ATOSA: variants seen among roughly 807,000 people sequenced by gnomAD.
ATOSA encodes atos homolog protein A.
chr15:52,611,673 A>G, the ATOSA span: 4 of 1,614,060 alleles, frequency 2.5e-6, no homozygotes, highest in Non-Finnish European at 3.4e-6. Context: ...TGGGCCCATC[A>G]TCGCTGTAGC....
the ATOSA span, among the ~76,000 whole-genome samples, chr15:52,692,599 C>G: frequency 2.1e-3 from 315 of 152,314 alleles, 5 homozygotes; most frequent in East Asian, 0.013. Flanking sequence ...AGCCATCGTC[C>G]TGCTTTGGCC....
chr15:52,605,352 T>C, the ATOSA span: 1 of 740,540 alleles, frequency 1.4e-6, no homozygotes, highest in Non-Finnish European at 2.1e-6. Context: ...TCTGAGGTAT[T>C]GCTGGTGAAG....
chr15:52,700,186 T>A, the ATOSA span, among the ~76,000 whole-genome samples: 2 of 152,240 alleles, frequency 1.3e-5, no homozygotes, highest in African/African-American at 4.8e-5. Context: ...GGTGAGACTT[T>A]ACATACCAAA....
chr15:52,685,997 A>T, the ATOSA span, among the ~76,000 whole-genome samples: 1 of 152,146 alleles, frequency 6.6e-6, no homozygotes. Flanking sequence ...TCCCCCTGGG[A>T]TTACACAAGT....
the ATOSA span, among the ~76,000 whole-genome samples, chr15:52,692,663 CCT>C: frequency 6.6e-6 from 1 of 151,782 alleles, no homozygotes; most frequent in Non-Finnish European, 1.5e-5. Context: ...CTGAAAACTA[CCT>C]CTTTTTCTTC....
chr15:52,696,496 T>G, the ATOSA span, among the ~76,000 whole-genome samples: 1 of 152,134 alleles, frequency 6.6e-6, no homozygotes, highest in South Asian at 2.1e-4. Flanking sequence ...GCTTGGGATA[T>G]ACGCATAGAA....
chr15:52,632,087 C>T, the ATOSA span, among the ~76,000 whole-genome samples: 1 of 152,134 alleles, frequency 6.6e-6, no homozygotes, highest in Non-Finnish European at 1.5e-5. Flanking sequence ...AGTTTTCCTT[C>T]ATTATAGGAA....
At chr15:52,654,038 T>A in the ATOSA span, among the ~76,000 whole-genome samples, 1 of 152,168 alleles carries the variant, frequency 6.6e-6, no homozygotes, top group African/African-American at 2.4e-5. Context: ...TAAATTTATA[T>A]TTCAAAATTA....
At chr15:52,670,203 C>G in the ATOSA span, among the ~76,000 whole-genome samples, 1 of 152,130 alleles carries the variant, frequency 6.6e-6, no homozygotes, top group African/African-American at 2.4e-5. Flanking sequence ...ATGCTTGTTC[C>G]AACCAGTTTT....
the ATOSA span, among the ~76,000 whole-genome samples, chr15:52,663,116 G>A: frequency 4.6e-5 from 7 of 152,106 alleles, no homozygotes; most frequent in Admixed American, 6.5e-5. Flanking sequence ...TCTATCTGCC[G>A]ACCGTTAAAC....
At chr15:52,704,869 G>T in the ATOSA span, among the ~76,000 whole-genome samples, 2 of 152,182 alleles carry the variant, frequency 1.3e-5, no homozygotes, top group Non-Finnish European at 2.9e-5. Context: ...CCCTGGAGAG[G>T]ATGTGGAGAA....
chr15:52,658,799 T>TAAAAAAA, the ATOSA span: 1 of 119,814 alleles, frequency 8.3e-6, no homozygotes, highest in Non-Finnish European at 1.2e-5. Context: ...ACCTCGTTTC[T>TAAAAAAA]ACAAAAAAAA....
the ATOSA span, among the ~76,000 whole-genome samples, chr15:52,638,428 C>T: frequency 1.3e-5 from 2 of 151,960 alleles, no homozygotes; most frequent in East Asian, 1.9e-4. Flanking sequence ...CACTGTGGGC[C>T]GGGCACAGTG....
the ATOSA span, among the ~76,000 whole-genome samples, chr15:52,708,256 C>T: frequency 5.3e-5 from 8 of 152,118 alleles, no homozygotes; most frequent in Admixed American, 3.3e-4. Flanking sequence ...CAGCAGAAAA[C>T]GGAGGCAGAA....
chr15:52,678,350 C>T, the ATOSA span: 8 of 488,852 alleles, frequency 1.6e-5, no homozygotes, highest in African/African-American at 3.8e-5. Context: ...CTGACACAGT[C>T]TCTGAACCAA....
chr15:52,679,584 A>G, the ATOSA span, among the ~76,000 whole-genome samples: 1 of 152,124 alleles, frequency 6.6e-6, no homozygotes, highest in African/African-American at 2.4e-5. Context: ...AGACACCAGC[A>G]GAGTCCCGGA....
At chr15:52,693,310 C>G in the ATOSA span, among the ~76,000 whole-genome samples, 1 of 152,086 alleles carries the variant, frequency 6.6e-6, no homozygotes, top group African/African-American at 2.4e-5. Context: ...ATCTCAGCTA[C>G]TTGGGAGGCT....
the ATOSA span, among the ~76,000 whole-genome samples, chr15:52,699,090 A>C: frequency 1.3e-5 from 2 of 152,244 alleles, no homozygotes; most frequent in Non-Finnish European, 2.9e-5. Context: ...ATAAATGCAC[A>C]GTACTAGCAT....
chr15:52,597,221 TTCTATTCTATTCTATTCTATTCTATTC>T, the ATOSA span, among the ~76,000 whole-genome samples: 2 of 8,834 alleles, frequency 2.3e-4, no homozygotes, highest in African/African-American at 4.0e-4. Flanking sequence ...TTCTATTCTA[TTCTATTCTATTCTATTCTATTCTATTC>T]TCTATTCTAT....
Sources: allele counts gnomAD v4.1 joint callset (sites outside exome capture counted in the v4.1 genomes callset), GRCh38; gene constraint gnomAD v4.1.1; transcripts MANE v1.5; gene names NCBI Gene and HGNC (gene_info 2026-07-23, HGNC 2026-07-21).